The following SUSD6 variants were observed in gnomAD, a reference collection of about 807,000 sequenced individuals.
The protein encoded by SUSD6 is sushi domain containing 6.
A neutral mutation model predicts 28.4 loss-of-function variants in SUSD6; 16 were observed. The ratio of observed to expected loss-of-function variants is 0.56; its 90% CI spans 0.38 to 0.86. The LOEUF is 0.86. Among genes scored for constraint, SUSD6 ranks in the 40% least tolerant of loss-of-function variants. The probability of loss-of-function intolerance (pLI) is 0.00; values close to 1 mark genes in which losing one functional copy is unlikely to be tolerated. For missense variants in SUSD6, 341 were observed against 384.2 expected (o/e 0.89, Z 0.94); for synonymous variants, 147 against 159.6 (o/e 0.92, Z 0.59).
At chr14:69,655,301 A>G (rs1238387711) in intron 1 of SUSD6, among the ~76,000 whole-genome samples, 1 of 152,090 alleles carries the variant, frequency 6.6e-6, no homozygotes, top group Non-Finnish European at 1.5e-5. Flanking sequence ...GTGTACTATA[A>G]CTTATTTAAG....
At chr14:69,706,909 GACA>G (rs1482737831) in intron 4 of SUSD6, among the ~76,000 whole-genome samples, 1 of 151,944 alleles carries the variant, frequency 6.6e-6, no homozygotes, top group African/African-American at 2.4e-5. Context: ...GAGCTGAAAG[GACA>G]CAGCATCACC....
At chr14:69,612,245 C>T (rs1595025855) in intron 1 of SUSD6, among the ~76,000 whole-genome samples, 1 of 152,142 alleles carries the variant, frequency 6.6e-6, no homozygotes, top group East Asian at 1.9e-4. Context: ...GCCCTCAGCC[C>T]AGCAAAGCTG....
chr14:69,678,875 A>G (rs1221039496), intron 2 of SUSD6, among the ~76,000 whole-genome samples: 1 of 152,234 alleles, frequency 6.6e-6, no homozygotes, highest in Non-Finnish European at 1.5e-5. Flanking sequence ...ATCCTTGTGC[A>G]TGTGTCCTAA....
At chr14:69,666,843 A>T (rs1001796859) in intron 2 of SUSD6, among the ~76,000 whole-genome samples, 1 of 152,140 alleles carries the variant, frequency 6.6e-6, no homozygotes, top group Non-Finnish European at 1.5e-5. Flanking sequence ...TTAAATCACA[A>T]AAGTATTTTT....
intron 2 of SUSD6, among the ~76,000 whole-genome samples, chr14:69,693,487 C>G (rs984381905): frequency 3.3e-5 from 5 of 152,154 alleles, no homozygotes; most frequent in Non-Finnish European, 4.4e-5. Flanking sequence ...AACAACACCC[C>G]CCAAAGTGCT....
chr14:69,681,255 T>C (rs1282805421), intron 2 of SUSD6, among the ~76,000 whole-genome samples: 1 of 152,200 alleles, frequency 6.6e-6, no homozygotes, highest in Non-Finnish European at 1.5e-5. Flanking sequence ...GAAATACGTG[T>C]ATGCATTAAT....
intron 1 of SUSD6, among the ~76,000 whole-genome samples, chr14:69,636,996 C>T (rs1416981608): frequency 4.6e-5 from 7 of 152,218 alleles, no homozygotes; most frequent in African/African-American, 1.7e-4. Context: ...TCCCAAAGTT[C>T]CTTAAGGCAG....
intron 1 of SUSD6, among the ~76,000 whole-genome samples, chr14:69,658,195 T>G (rs952425871): frequency 2.6e-5 from 4 of 152,194 alleles, no homozygotes; most frequent in Non-Finnish European, 5.9e-5. Context: ...CAGCTCTGTG[T>G]CAATAGCCGT....
intron 1 of SUSD6, among the ~76,000 whole-genome samples, chr14:69,632,660 A>G (rs573995950): frequency 6.6e-6 from 1 of 151,732 alleles, no homozygotes; most frequent in Non-Finnish European, 1.5e-5. Flanking sequence ...ATTAAAAAAA[A>G]AAAACAAAAC....
chr14:69,685,358 G>C (rs754258047), intron 2 of SUSD6, among the ~76,000 whole-genome samples: 4 of 152,212 alleles, frequency 2.6e-5, no homozygotes, highest in Non-Finnish European at 5.9e-5. Flanking sequence ...TCCACTGCAA[G>C]GTCTGGCTGG....
intron 2 of SUSD6, among the ~76,000 whole-genome samples, chr14:69,698,624 G>C (rs1054857695): frequency 8.5e-5 from 13 of 152,180 alleles, no homozygotes; most frequent in African/African-American, 2.7e-4. Context: ...ACAAAACCAG[G>C]GAACCTTTAG....
chr14:69,640,908 C>T (rs1885342449), intron 1 of SUSD6, among the ~76,000 whole-genome samples: 1 of 152,152 alleles, frequency 6.6e-6, no homozygotes, highest in Admixed American at 6.5e-5. Context: ...TGGGTAAATG[C>T]CCTTTTTAGA....
intron 2 of SUSD6, among the ~76,000 whole-genome samples, chr14:69,673,490 A>G (rs1885863692): frequency 6.6e-6 from 1 of 152,150 alleles, no homozygotes; most frequent in South Asian, 2.1e-4. Flanking sequence ...GTGGGTGGAG[A>G]AATCTTGAAC....
intron 2 of SUSD6, among the ~76,000 whole-genome samples, chr14:69,666,583 T>C (rs879418634): frequency 6.6e-6 from 1 of 152,242 alleles, no homozygotes; most frequent in Non-Finnish European, 1.5e-5. Context: ...GGTAGTCCTT[T>C]TGCTTCCTCT....
chr14:69,700,893 G>A (rs1375070953), intron 2 of SUSD6, among the ~76,000 whole-genome samples: 2 of 151,816 alleles, frequency 1.3e-5, no homozygotes. Context: ...TGTTTTTTTT[G>A]TTTTGTTTTG....
intron 1 of SUSD6, among the ~76,000 whole-genome samples, chr14:69,643,157 C>T (rs576143411): frequency 3.9e-5 from 6 of 152,172 alleles, no homozygotes; most frequent in South Asian, 2.1e-4. Context: ...GTCTGAAAAC[C>T]GTTATTTTAT....
chr14:69,651,760 C>T (rs1342357086), intron 1 of SUSD6, among the ~76,000 whole-genome samples: 1 of 152,092 alleles, frequency 6.6e-6, no homozygotes, highest in Non-Finnish European at 1.5e-5. Flanking sequence ...GATACTGTAG[C>T]CTGGCCATTT....
chr14:69,649,163 C>T (rs1020195178), intron 1 of SUSD6, among the ~76,000 whole-genome samples: 4 of 152,184 alleles, frequency 2.6e-5, no homozygotes, highest in Non-Finnish European at 5.9e-5. Flanking sequence ...ATTCCTCTCA[C>T]GTAAGTTGTG....
chr14:69,625,929 G>T (rs1885108042), intron 1 of SUSD6, among the ~76,000 whole-genome samples: 1 of 152,142 alleles, frequency 6.6e-6, no homozygotes, highest in African/African-American at 2.4e-5. Flanking sequence ...TGTGAGGATG[G>T]CTTTGCTTCT....
Sources: gnomAD v4.1 joint callset for allele counts (sites outside exome capture counted in the v4.1 genomes callset) on GRCh38, gnomAD v4.1.1 for gene constraint, MANE v1.5 for transcripts, NCBI Gene and HGNC (gene_info 2026-07-23, HGNC 2026-07-21) for gene names.